The following ROBO2 variants were observed in gnomAD, a reference collection of about 807,000 sequenced individuals.
The protein encoded by ROBO2 is roundabout guidance receptor 2, also known as roundabout homolog 2.
ROBO2 carries 53 observed loss-of-function variants against 160.8 expected under a neutral mutation model. That is an observed-to-expected ratio of 0.33 (90% CI 0.26 to 0.41). The LOEUF (loss-of-function observed/expected upper bound fraction) is 0.41, where lower values mean the gene tolerates loss of function less well. ROBO2 is among the 10% of genes least tolerant of loss of function. The pLI is 1.00. For synonymous variants in ROBO2, 664 were observed against 611.7 expected, an observed-to-expected ratio of 1.09 and a Z score of -1.26; for missense variants, 1,577 against 1,722.4, an observed-to-expected ratio of 0.92 and a Z score of 1.49.
At chr3:76,852,119 A>T (rs3883884) in intron 2 of ROBO2, among the ~76,000 whole-genome samples, 120,506 of 152,110 alleles carry the variant, frequency 0.79, 48,042 homozygotes, top group East Asian at 0.86. Context: ...TGAGCAAGGA[A>T]CTCCCTTTGT....
Position 76,348,008 on chromosome 3 carries a change from T to C in ROBO2, c.109+410406T>C, listed in dbSNP as rs550050932. Reference sequence around the variant, plus strand: ...CAGTTACCCATATGCTGAAAACTGCTACCTTTGAGGCTTCAAACACTTGCA... The same window carrying C: ...CAGTTACCCATATGCTGAAAACTGCCACCTTTGAGGCTTCAAACACTTGCA... On this transcript the variant is annotated intron_variant, in intron 2 of 26. Transcript: ENST00000487694. Among the ~76,000 whole-genome samples the C allele has an allele frequency of 3.3e-4, 50 of 152,306 alleles. 1 individual carries two copies. The Middle Eastern group carries it at 0.014, about 41-fold the overall frequency.
intron 2 of ROBO2, among the ~76,000 whole-genome samples, chr3:75,937,854 TA>T (rs1947864770): frequency 1.1e-4 from 16 of 141,650 alleles, no homozygotes; most frequent in African/African-American, 4.2e-4. Flanking sequence ...TATATATATA[TA>T]TATATATATA....
At chr3:76,320,913 A>C (rs1217153492) in intron 2 of ROBO2, among the ~76,000 whole-genome samples, 1 of 152,224 alleles carries the variant, frequency 6.6e-6, no homozygotes, top group East Asian at 1.9e-4. Context: ...CATATGGAAC[A>C]ACGTAGATAT....
At chr3:76,516,264 G>A (rs1438888666) in intron 2 of ROBO2, among the ~76,000 whole-genome samples, 4 of 152,094 alleles carry the variant, frequency 2.6e-5, no homozygotes, top group Non-Finnish European at 5.9e-5. Flanking sequence ...TATAGCAGAT[G>A]ACCCTAAATT....
intron 2 of ROBO2, among the ~76,000 whole-genome samples, chr3:77,222,737 T>C (rs2085985778): frequency 6.6e-6 from 1 of 152,234 alleles, no homozygotes; most frequent in South Asian, 2.1e-4. Context: ...TATTTTAAGC[T>C]AGTGATAAGA....
chr3:76,385,425 G>A (rs2076836373), intron 2 of ROBO2, among the ~76,000 whole-genome samples: 1 of 152,066 alleles, frequency 6.6e-6, no homozygotes, highest in African/African-American at 2.4e-5. Flanking sequence ...GGTGCCAATG[G>A]GCACCATTGC....
chr3:75,977,736 C>T (rs1259847822), intron 2 of ROBO2, among the ~76,000 whole-genome samples: 1 of 151,416 alleles, frequency 6.6e-6, no homozygotes, highest in African/African-American at 2.4e-5. Flanking sequence ...GTACTCTTCT[C>T]AAAGATCCAG....
At chr3:76,231,032 C>T (rs1274312006) in intron 2 of ROBO2, among the ~76,000 whole-genome samples, 5 of 152,192 alleles carry the variant, frequency 3.3e-5, no homozygotes, top group South Asian at 2.1e-4. Context: ...CCCTCAGAGC[C>T]CGCGGAAAGA....
At chr3:76,261,892 T>C (rs986341754) in intron 2 of ROBO2, among the ~76,000 whole-genome samples, 19 of 152,320 alleles carry the variant, frequency 1.2e-4, no homozygotes, top group African/African-American at 4.1e-4. Flanking sequence ...GAAAGTATTT[T>C]ATAGAACAGG....
intron 2 of ROBO2, among the ~76,000 whole-genome samples, chr3:76,146,819 G>T: frequency 7.9e-6 from 1 of 125,908 alleles, no homozygotes; most frequent in African/African-American, 2.9e-5. Flanking sequence ...CTGTGGTAAT[G>T]ATAGAATTCT....
chr3:76,172,448 A>G (rs2073078527), intron 2 of ROBO2, among the ~76,000 whole-genome samples: 1 of 151,656 alleles, frequency 6.6e-6, no homozygotes, highest in South Asian at 2.1e-4. Context: ...AAAAAAAAAA[A>G]AAAAAAGAAA....
At position 76,518,737 on chromosome 3, in the gene ROBO2, T is replaced by C. The variant is rs368563714; in HGVS notation, c.110-579277T>C. Among the ~76,000 whole-genome samples the C allele has an allele frequency of 2.8e-4, 43 of 152,332 alleles. 2 individuals carry two copies. The highest frequency in any genetic ancestry group is 2.7e-3 in the South Asian group (13 of 4,830). ...TTTATTTATGTCATCATGTTCTCTTTGAATTTAAAAAGATCCAATTCTCTT... is the reference window on the plus strand; with the variant it reads ...TTTATTTATGTCATCATGTTCTCTTCGAATTTAAAAAGATCCAATTCTCTT... On this transcript the variant is annotated intron_variant, in intron 2 of 26. Transcript: ENST00000487694.
intron 2 of ROBO2, among the ~76,000 whole-genome samples, chr3:76,536,571 T>C (rs991307658): frequency 6.6e-6 from 1 of 152,052 alleles, no homozygotes; most frequent in Non-Finnish European, 1.5e-5. Context: ...CAAGAGACCA[T>C]GTAATCTCAC....
chr3:76,814,047 T>G (rs2065439662), intron 2 of ROBO2, among the ~76,000 whole-genome samples: 1 of 152,092 alleles, frequency 6.6e-6, no homozygotes, highest in Non-Finnish European at 1.5e-5. Flanking sequence ...TCAATCTCAT[T>G]ATAATCGGAA....
At chr3:77,350,111 TA>T (rs2068152487) in intron 2 of ROBO2, among the ~76,000 whole-genome samples, 1 of 150,600 alleles carries the variant, frequency 6.6e-6, no homozygotes, top group South Asian at 2.1e-4. Flanking sequence ...ATATATATAA[TA>T]TATATATATA....
At chr3:77,306,350 A>C (rs1053311470) in intron 2 of ROBO2, among the ~76,000 whole-genome samples, 3 of 152,286 alleles carry the variant, frequency 2.0e-5, no homozygotes, top group Admixed American at 2.0e-4. Flanking sequence ...TATTAATAAA[A>C]TATGCATTCA....
At chr3:77,341,075 A>G (rs1010796950) in intron 2 of ROBO2, among the ~76,000 whole-genome samples, 1 of 152,180 alleles carries the variant, frequency 6.6e-6, no homozygotes, top group African/African-American at 2.4e-5. Flanking sequence ...TTTGGTGTTC[A>G]AAAGTATTGT....
At chr3:77,391,373 C>T (rs2074713268) in intron 2 of ROBO2, among the ~76,000 whole-genome samples, 1 of 151,620 alleles carries the variant, frequency 6.6e-6, no homozygotes, top group African/African-American at 2.4e-5. Flanking sequence ...GTGACACAAT[C>T]ACGGCTCACT....
intron 2 of ROBO2, among the ~76,000 whole-genome samples, chr3:76,865,113 C>A (rs1405227863): frequency 1.3e-5 from 2 of 151,824 alleles, no homozygotes; most frequent in East Asian, 3.9e-4. Flanking sequence ...TATTTCCATG[C>A]TGTGTATTTC....
Sources: allele counts gnomAD v4.1 joint callset (sites outside exome capture counted in the v4.1 genomes callset), GRCh38; gene constraint gnomAD v4.1.1; transcripts MANE v1.5; gene names NCBI Gene and HGNC (gene_info 2026-07-23, HGNC 2026-07-21).